The following ILK variants were observed in gnomAD, a reference collection of about 807,000 sequenced individuals.
ILK encodes the protein integrin linked kinase.
A neutral mutation model predicts 57.8 loss-of-function variants in ILK; 37 were observed. The observed-to-expected ratio is 0.64, with a 90% CI of 0.49 to 0.84. The LOEUF is 0.84. Ranked by LOEUF, ILK falls within the 40% of genes least tolerant of loss-of-function variation. The pLI is 0.00. For missense variants in ILK, 528 were observed against 595.7 expected (o/e 0.89, Z 1.18); for synonymous variants, 231 against 202.2 (o/e 1.14, Z -1.21).
chr11:6,604,878 G>C lies in ILK; in HGVS notation c.89+518G>C, dbSNP rs757030504. On this transcript the variant is annotated intron_variant, in intron 2 of 12. Coordinates refer to ENST00000299421, the MANE Select transcript of ILK (RefSeq NM_004517.4). ...TATCGTCTTGGATGCTTTGTGAAGA[G>C]CAGGTGGAAAGGAGGCAATTGCCTA... 3.0e-4 allele frequency: 138 copies of C among 456,478 alleles called. 2 individuals are homozygous for C. Among genetic ancestry groups the C allele is most frequent in the South Asian group, 2.1e-3 (135 of 64,572 alleles). The allele number at this position is 456,478 out of a possible 1,614,324, so 28.3% of individuals were successfully genotyped here.
Position 6,608,505 on chromosome 11 carries a change from T to G in ILK, c.351+16T>G. 5 of 1,592,676 alleles carry G rather than the reference T, an allele frequency of 3.1e-6. No homozygotes were observed. The highest frequency in any genetic ancestry group is 1.1e-5 in the South Asian group (1 of 90,686). ...AGTGGCAGAGGTGAGTACTCAGCCC[T>G]TAATTCCTGAGATGGGTAGGAAGTA... On this transcript the variant is annotated intron_variant, in intron 4 of 12. Transcript: ENST00000299421. This position sits in a 1 kb window ranked among gnomAD's most constrained non-coding sequence, Gnocchi z 4.9.
Sources: gnomAD v4.1 joint callset for allele counts on GRCh38, gnomAD v4.1.1 for gene constraint, Gnocchi (gnomAD v3.1) non-coding constraint, MANE v1.5 for transcripts, NCBI Gene and HGNC (gene_info 2026-07-23, HGNC 2026-07-21) for gene names.